ENTREP2: variants seen among roughly 807,000 people sequenced by gnomAD.
ENTREP2 encodes the protein protein ENTREP2.
the ENTREP2 span, among the ~76,000 whole-genome samples, chr15:29,352,145 G>A: frequency 6.6e-6 from 1 of 151,548 alleles, no homozygotes; most frequent in Non-Finnish European, 1.5e-5. Context: ...ATGTTGCTCG[G>A]GCTGGACTCT....
the ENTREP2 span, among the ~76,000 whole-genome samples, chr15:29,180,583 G>C: frequency 2.0e-5 from 3 of 152,066 alleles, no homozygotes; most frequent in African/African-American, 7.2e-5. Context: ...AGAATCGCTT[G>C]AACCCAGGAG....
the ENTREP2 span, among the ~76,000 whole-genome samples, chr15:29,660,826 A>G: frequency 1.3e-5 from 2 of 152,192 alleles, no homozygotes; most frequent in Non-Finnish European, 2.9e-5. Context: ...TTTCAACCCA[A>G]CGAGGATTGA....
At chr15:29,298,185 T>C in the ENTREP2 span, among the ~76,000 whole-genome samples, 24,673 of 151,924 alleles carry the variant, frequency 0.16, 3,350 homozygotes, top group African/African-American at 0.38. Context: ...TAATCAATAT[T>C]AGAAAATAAT....
chr15:29,173,715 C>T, the ENTREP2 span, among the ~76,000 whole-genome samples: 1 of 152,206 alleles, frequency 6.6e-6, no homozygotes, highest in Non-Finnish European at 1.5e-5. Context: ...GGTTTGATTT[C>T]AGTCACCCCA....
the ENTREP2 span, among the ~76,000 whole-genome samples, chr15:29,649,727 C>CAAAAAAAAAAAAAAAAAGAAAAAAAAAA: frequency 1.5e-5 from 1 of 66,958 alleles, no homozygotes; most frequent in Non-Finnish European, 3.2e-5. Flanking sequence ...TCAACAACAA[C>CAAAAAAAAAAAAAAAAAGAAAAAAAAAA]AAAAAAAAAA....
At chr15:29,582,890 C>A in the ENTREP2 span, among the ~76,000 whole-genome samples, 1 of 151,996 alleles carries the variant, frequency 6.6e-6, no homozygotes, top group African/African-American at 2.4e-5. Context: ...GACCTCATGA[C>A]CCGCCCCATT....
chr15:29,473,005 G>A, the ENTREP2 span, among the ~76,000 whole-genome samples: 1 of 152,274 alleles, frequency 6.6e-6, no homozygotes, highest in African/African-American at 2.4e-5. Context: ...GTAGTCCCAA[G>A]AGGCCAGTTA....
chr15:29,318,005 T>C, the ENTREP2 span, among the ~76,000 whole-genome samples: 1 of 152,142 alleles, frequency 6.6e-6, no homozygotes, highest in Non-Finnish European at 1.5e-5. Context: ...CACCGAAACA[T>C]GGCTCTCACA....
chr15:29,578,076 G>A, the ENTREP2 span, among the ~76,000 whole-genome samples: 2 of 152,106 alleles, frequency 1.3e-5, no homozygotes, highest in African/African-American at 2.4e-5. Flanking sequence ...TGTTAAAATG[G>A]TAAATTTTAT....
the ENTREP2 span, among the ~76,000 whole-genome samples, chr15:29,181,613 C>A: frequency 6.6e-6 from 1 of 151,968 alleles, no homozygotes; most frequent in Admixed American, 6.6e-5. Flanking sequence ...GAAATCCATT[C>A]TACATGAATA....
the ENTREP2 span, among the ~76,000 whole-genome samples, chr15:29,556,690 C>T: frequency 1.3e-5 from 2 of 152,148 alleles, no homozygotes; most frequent in Admixed American, 1.3e-4. Flanking sequence ...CTGTCTCCAT[C>T]AGTGTCTCTT....
the ENTREP2 span, among the ~76,000 whole-genome samples, chr15:29,238,981 C>G: frequency 1.3e-5 from 2 of 152,182 alleles, no homozygotes; most frequent in Non-Finnish European, 2.9e-5. Flanking sequence ...GGACATATAT[C>G]CAAACCACAT....
At chr15:29,298,104 C>CTTCTAGTATCTAGT in the ENTREP2 span, among the ~76,000 whole-genome samples, 1 of 152,062 alleles carries the variant, frequency 6.6e-6, no homozygotes, top group Non-Finnish European at 1.5e-5. Context: ...GACTATATAA[C>CTTCTAGTATCTAGT]AAAAAGATAC....
the ENTREP2 span, among the ~76,000 whole-genome samples, chr15:29,570,203 C>T: frequency 6.6e-6 from 1 of 151,214 alleles, no homozygotes; most frequent in African/African-American, 2.4e-5. Context: ...CGGTCCCCGG[C>T]GCTCCCTCCG....
the ENTREP2 span, among the ~76,000 whole-genome samples, chr15:29,260,653 G>A: frequency 6.6e-6 from 1 of 152,106 alleles, no homozygotes; most frequent in Non-Finnish European, 1.5e-5. Context: ...TAAGTAATCT[G>A]GACTAGGGAG....
the ENTREP2 span, among the ~76,000 whole-genome samples, chr15:29,155,260 C>T: frequency 2.8e-5 from 4 of 144,066 alleles, no homozygotes; most frequent in Admixed American, 7.1e-5. Flanking sequence ...CCAGCCTGGG[C>T]AACAGAACGA....
At chr15:29,357,952 C>G in the ENTREP2 span, among the ~76,000 whole-genome samples, 1 of 151,992 alleles carries the variant, frequency 6.6e-6, no homozygotes, top group Admixed American at 6.5e-5. Context: ...TGGCAAACCT[C>G]TCAAGGCATG....
At chr15:29,129,230 G>T in the ENTREP2 span, among the ~76,000 whole-genome samples, 2 of 151,942 alleles carry the variant, frequency 1.3e-5, no homozygotes, top group Non-Finnish European at 2.9e-5. Flanking sequence ...TGCCCAGCTA[G>T]TTTTTTGTAT....
chr15:29,249,920 G>A, the ENTREP2 span, among the ~76,000 whole-genome samples: 2 of 152,038 alleles, frequency 1.3e-5, no homozygotes, highest in African/African-American at 4.8e-5. Context: ...AAGCAAGGAA[G>A]GGAGGTGCCA....
Sources: allele counts gnomAD v4.1 joint callset (sites outside exome capture counted in the v4.1 genomes callset), GRCh38; gene constraint gnomAD v4.1.1; transcripts MANE v1.5; gene names NCBI Gene and HGNC (gene_info 2026-07-23, HGNC 2026-07-21).